The following MAPKAPK2 variants were observed in gnomAD, a reference collection of about 807,000 sequenced individuals.
MAPKAPK2 encodes the protein MAPK activated protein kinase 2.
In MAPKAPK2, 9 loss-of-function variants were observed where a neutral mutation model predicts 48.8. The ratio of observed to expected loss-of-function variants is 0.18; its 90% CI spans 0.11 to 0.32. The LOEUF is 0.32. Among genes scored for constraint, MAPKAPK2 ranks in the 10% least tolerant of loss-of-function variants. The pLI is 1.00. For synonymous variants in MAPKAPK2, 202 were observed against 190.6 expected (o/e 1.06, Z -0.49); for missense variants, 331 against 498.3 (o/e 0.66, Z 3.20).
Position 206,729,091 on chromosome 1 carries a change from C to G in MAPKAPK2, c.476C>G (p.Thr159Arg). 6.2e-7 allele frequency: 1 copy of G among 1,614,144 alleles called. No individual in the cohort carries two copies. Among genetic ancestry groups the G allele is most frequent in the South Asian group, 1.1e-5 (1 of 91,082 alleles). ...RIQDRGDQAF[T>R]EREASEIMKS... ...CAGGATCGAGGAGACCAGGCATTCA[C>G]AGAAAGAGGTAGAAAGGGTCTGTTG... The change falls in exon 3 of 10, where the codon ACA becomes AGA. Residue 159 changes from threonine to arginine, a missense_variant. By Grantham distance (71) the Thr-to-Arg change is moderately conservative. Around this residue, in one of 4 missense-constraint regions of MAPKAPK2, gnomAD observed 111 missense variants for 193.6 expected, o/e 0.57. Coordinates refer to ENST00000367103, the MANE Select transcript of MAPKAPK2 (RefSeq NM_032960.4).
chr1:206,693,785 G>A (rs1363839481), intron 1 of MAPKAPK2, among the ~76,000 whole-genome samples: 2 of 152,276 alleles, frequency 1.3e-5, no homozygotes, highest in East Asian at 1.9e-4. Flanking sequence ...CTCCACCTCC[G>A]CAGTGTGAGG....
chr1:206,707,022 A>G (rs1672982329), intron 1 of MAPKAPK2, among the ~76,000 whole-genome samples: 1 of 152,078 alleles, frequency 6.6e-6, no homozygotes, highest in Admixed American at 6.5e-5. Flanking sequence ...CTTAGTAGGC[A>G]TGTAGTTGGA....
intron 6 of MAPKAPK2, 24 bp downstream of exon 6, chr1:206,730,787 G>A: frequency 1.3e-6 from 2 of 1,511,804 alleles, no homozygotes; most frequent in Non-Finnish European, 1.8e-6. Context: ...GGAGGGGGCT[G>A]GGTGGGGCAG....
intron 1 of MAPKAPK2, among the ~76,000 whole-genome samples, chr1:206,712,962 T>TCTCACACACACACA (rs1553429738): frequency 2.7e-5 from 3 of 112,230 alleles, no homozygotes; most frequent in Non-Finnish European, 5.4e-5. Flanking sequence ...TGAGACTCCA[T>TCTCACACACACACA]CACACACACA....
At chr1:206,717,831 G>A (rs1673381452) in intron 1 of MAPKAPK2, among the ~76,000 whole-genome samples, 1 of 151,562 alleles carries the variant, frequency 6.6e-6, no homozygotes, top group East Asian at 1.9e-4. Flanking sequence ...CATTCAGATG[G>A]TAAAGGTTCA....
At chr1:206,729,917 G>C in intron 4 of MAPKAPK2, 55 bp from the exon 5 acceptor site, 1 of 1,610,988 alleles carries the variant, frequency 6.2e-7, no homozygotes, top group Non-Finnish European at 8.5e-7. Flanking sequence ...TTTCGTTTCT[G>C]ATAGCCCCTC....
chr1:206,715,982 A>G (rs1034727518), intron 1 of MAPKAPK2, among the ~76,000 whole-genome samples: 3 of 150,750 alleles, frequency 2.0e-5, no homozygotes, highest in Admixed American at 1.3e-4. Context: ...TCTAGGCTAA[A>G]CAACTGTTTT....
chr1:206,711,526 C>T (rs12071363), intron 1 of MAPKAPK2, among the ~76,000 whole-genome samples: 4,714 of 151,766 alleles, frequency 0.031, 233 homozygotes, highest in African/African-American at 0.11. Context: ...GCTGGGATTA[C>T]AGGTGTGAGC....
Position 206,732,025 on chromosome 1 carries a change from T to C in MAPKAPK2, c.1059+106T>C. Reference sequence around the variant, plus strand: ...TGGTAGGGGAGAGCTTGATTCTGCCTCTCTCATCCCAGGGGTGTCTTCATG... The same window carrying C: ...TGGTAGGGGAGAGCTTGATTCTGCCCCTCTCATCCCAGGGGTGTCTTCATG... On this transcript the variant is annotated intron_variant, in intron 9 of 9. Coordinates refer to ENST00000367103, the MANE Select transcript of MAPKAPK2 (RefSeq NM_032960.4). This position sits in a 1 kb window ranked among gnomAD's most constrained non-coding sequence, Gnocchi z 4.4. 6.2e-7 allele frequency: 1 copy of C among 1,614,058 alleles called. No homozygotes were observed. Among genetic ancestry groups the C allele is most frequent in the Non-Finnish European group, 8.5e-7 (1 of 1,180,014 alleles).
chr1:206,709,386 G>A (rs1329230690), intron 1 of MAPKAPK2, among the ~76,000 whole-genome samples: 2 of 152,096 alleles, frequency 1.3e-5, no homozygotes, highest in South Asian at 2.1e-4. Context: ...CTGAGTTCTC[G>A]CTGCTCGATG....
intron 1 of MAPKAPK2, among the ~76,000 whole-genome samples, chr1:206,723,602 A>G (rs1553431528): frequency 6.6e-6 from 1 of 152,190 alleles, no homozygotes; most frequent in Non-Finnish European, 1.5e-5. Flanking sequence ...CGAGTGGCAC[A>G]TCAGGCCCTG....
intron 1 of MAPKAPK2, among the ~76,000 whole-genome samples, chr1:206,708,735 T>G (rs1673042529): frequency 6.6e-6 from 1 of 152,196 alleles, no homozygotes; most frequent in Non-Finnish European, 1.5e-5. Context: ...ACAAAAAGTT[T>G]TATTACCTAA....
rs541745558 is a variant in MAPKAPK2 at position 206,689,425 on chromosome 1, G to A, written c.279+3917G>A. On this transcript the variant is annotated intron_variant, in intron 1 of 9. Coordinates refer to ENST00000367103, the MANE Select transcript of MAPKAPK2 (RefSeq NM_032960.4). ...ACACCTCATACTGTGTACCTGTGGAGGGCAAGACAGTTAGTGTGGCTAGGT... is the reference window on the plus strand; with the variant it reads ...ACACCTCATACTGTGTACCTGTGGAAGGCAAGACAGTTAGTGTGGCTAGGT... Among the ~76,000 whole-genome samples the A allele has an allele frequency of 3.2e-3, 482 of 152,328 alleles. 2 individuals are homozygous for A. Among genetic ancestry groups the A allele is most frequent in the African/African-American group, 0.011 (464 of 41,568 alleles).
Position 206,732,617 on chromosome 1 carries a change from G to A in MAPKAPK2, c.1102G>A (p.Glu368Lys), listed in dbSNP as rs782704000. The A allele has an allele frequency of 5.0e-6, 8 of 1,614,104 alleles. No individual in the cohort carries two copies. The highest frequency in any genetic ancestry group is 1.3e-5 in the African/African-American group (1 of 75,014). Reference sequence around the variant, plus strand: ...CTTGGCCACAATGCGCGTTGACTACGAGCAGATCAAGATAAAAAAGATTGA... The same window carrying A: ...CTTGGCCACAATGCGCGTTGACTACAAGCAGATCAAGATAAAAAAGATTGA... The part of the protein sequence containing the change: ...SALATMRVDY[E>K]QIKIKKIEDA... Residue 368 changes from glutamate (E) to lysine (K), a missense_variant, in exon 10 of 10, where the codon GAG (glutamate) becomes AAG (lysine). Physicochemically the swap from Glu to Lys is moderately conservative, Grantham distance 56. This residue lies in a region of MAPKAPK2 where 124 missense variants were observed against 194.6 expected (regional missense o/e 0.64). Coordinates refer to ENST00000367103, the MANE Select transcript of MAPKAPK2 (RefSeq NM_032960.4). The surrounding 1 kb of genome is among the most constrained non-coding windows in gnomAD (Gnocchi z 4.4).
Position 206,732,277 on chromosome 1 carries a change from A to G in MAPKAPK2, c.1060-298A>G, listed in dbSNP as rs1318756473. 1 of 1,453,552 alleles carries G rather than the reference A, an allele frequency of 6.9e-7. No individual in the cohort carries two copies. The highest frequency in any genetic ancestry group is 1.4e-5 in the African/African-American group (1 of 70,068). 90.0% of individuals were successfully genotyped at this position (1,453,552 alleles called of 1,614,324 possible). ...CGCAGCTGGTGACTGGTTGGGGCAG[A>G]CCGGACCCAGGTTTCCTGACTCCTG... On this transcript the variant is annotated intron_variant, in intron 9 of 9. Coordinates refer to ENST00000367103, the MANE Select transcript of MAPKAPK2 (RefSeq NM_032960.4). This position sits in a 1 kb window ranked among gnomAD's most constrained non-coding sequence, Gnocchi z 4.4.
intron 5 of MAPKAPK2, among the ~76,000 whole-genome samples, 177 bp downstream of exon 5, chr1:206,730,275 G>A (rs1358279772): frequency 3.3e-5 from 5 of 152,238 alleles, no homozygotes; most frequent in Non-Finnish European, 7.3e-5. Flanking sequence ...AGCTACAGTT[G>A]AGAAATTGTA....
rs781924153 is a variant in MAPKAPK2 at position 206,730,022 on chromosome 1, C to T, written c.615C>T (p.Leu205=). 139 of 1,614,144 alleles carry T rather than the reference C, an allele frequency of 8.6e-5. No individual in the cohort carries two copies. Among genetic ancestry groups the T allele is most frequent in the Non-Finnish European group, 1.1e-4 (131 of 1,180,046 alleles). ...TSKRPNAILK[L]TDFGFAKETT... is the part of the protein sequence containing the mutation. ...AAAGGCCCAACGCCATCCTGAAACT[C>T]ACTGACTTTGGCTTTGCCAAGGAAA... The change falls in exon 5 of 10, where the codon CTC becomes CTT. Residue 205 remains leucine (L), a synonymous_variant. Coordinates refer to ENST00000367103, the MANE Select transcript of MAPKAPK2 (RefSeq NM_032960.4).
chr1:206,724,440 A>G (rs1673641348), intron 1 of MAPKAPK2, among the ~76,000 whole-genome samples: 1 of 152,072 alleles, frequency 6.6e-6, no homozygotes, highest in African/African-American at 2.4e-5. Flanking sequence ...CCAGGACGTC[A>G]GCCAGCCTGC....
intron 1 of MAPKAPK2, among the ~76,000 whole-genome samples, chr1:206,715,030 C>T (rs1038149810): frequency 6.6e-6 from 1 of 152,070 alleles, no homozygotes; most frequent in African/African-American, 2.4e-5. Context: ...TGGAATCAAC[C>T]TGTACTTTCC....
Sources: gnomAD v4.1 joint callset for allele counts (sites outside exome capture counted in the v4.1 genomes callset) on GRCh38, gnomAD v4.1.1 for gene constraint, gnomAD v4.1.1 regional missense constraint, Gnocchi (gnomAD v3.1) non-coding constraint, MANE v1.5 for transcripts, NCBI Gene and HGNC (gene_info 2026-07-23, HGNC 2026-07-21) for gene names.